The following NPTXR variants were observed in gnomAD, a reference collection of about 807,000 sequenced individuals.
The protein encoded by NPTXR is neuronal pentraxin receptor.
In NPTXR, 12 loss-of-function variants were observed where a neutral mutation model predicts 32.2. The observed-to-expected ratio is 0.37, with a 90% CI of 0.24 to 0.60. NPTXR has a LOEUF of 0.60. Among genes scored for constraint, NPTXR ranks in the 20% least tolerant of loss-of-function variants. The pLI is 0.66. For missense variants in NPTXR, 612 were observed against 682.9 expected (o/e 0.90, Z 1.16); for synonymous variants, 323 against 315.8 (o/e 1.02, Z -0.24).
chr22:38,826,725 T>C lies in NPTXR; in HGVS notation c.873A>G (p.Pro291=). 1.9e-6 allele frequency: 3 copies of C among 1,614,000 alleles called. No homozygotes were observed. Among genetic ancestry groups the C allele is most frequent in the Non-Finnish European group, 2.5e-6 (3 of 1,179,934 alleles). Residue 291 remains proline, a synonymous_variant, in exon 3 of 5, where the codon CCA becomes CCG. Transcript: ENST00000333039. ...TGGGGATGCTGATCTTGAAGGCATCTGGAGGACTGTAGGCTGAGGACCCTG... is the reference window on the plus strand; with the variant it reads ...TGGGGATGCTGATCTTGAAGGCATCCGGAGGACTGTAGGCTGAGGACCCTG...
At chr22:38,840,730 G>A (rs1188928000) in intron 1 of NPTXR, among the ~76,000 whole-genome samples, 4 of 152,120 alleles carry the variant, frequency 2.6e-5, no homozygotes, top group Non-Finnish European at 4.4e-5. Context: ...TTTGGTTTGG[G>A]GCCCCTCCGT....
chr22:38,827,516 G>A (rs772173545), intron 2 of NPTXR, among the ~76,000 whole-genome samples: 2 of 152,164 alleles, frequency 1.3e-5, no homozygotes, highest in African/African-American at 2.4e-5. Context: ...TAACAGGCAT[G>A]AGCCACCATG....
chr22:38,843,232 C>G lies in NPTXR; in HGVS notation c.624+3G>C. ...GGCTCCCCCGACGGCGCGCGGCGCT[C>G]ACCTCCAGGCGGTCGATGCGGTCCC... On this transcript the variant is annotated splice_donor_region_variant and intron_variant, in intron 1 of 4. Transcript: ENST00000333039. This position sits in a 1 kb window ranked among gnomAD's most constrained non-coding sequence, Gnocchi z 5.3. The G allele has an allele frequency of 7.5e-7, 1 of 1,334,638 alleles. No homozygotes were observed. 82.7% of individuals were successfully genotyped at this position (1,334,638 alleles called of 1,614,324 possible).
In NPTXR at chr22:38,843,093, C is replaced by T. The variant is rs949933559; in HGVS notation, c.624+142G>A. 34 of 870,112 alleles carry T rather than the reference C, an allele frequency of 3.9e-5. No homozygotes were observed. Among genetic ancestry groups the T allele is most frequent in the Non-Finnish European group, 4.8e-5 (32 of 660,562 alleles). 53.9% of individuals were successfully genotyped at this position (870,112 alleles called of 1,614,324 possible). A position where few individuals can be genotyped will look rare whatever the true frequency, so the allele number is the denominator to read the frequency against. On this transcript the variant is annotated intron_variant, in intron 1 of 4. Coordinates refer to ENST00000333039, the MANE Select transcript of NPTXR (RefSeq NM_014293.4). The surrounding 1 kb of genome is among the most constrained non-coding windows in gnomAD (Gnocchi z 5.3). ...GCCTGCCCGCGTTCCCTATCGAAATCCCCCCGCCTCGCCAGCGAGGAAGGC... is the reference window on the plus strand; with the variant it reads ...GCCTGCCCGCGTTCCCTATCGAAATTCCCCCGCCTCGCCAGCGAGGAAGGC...
At chr22:38,836,091 G>T (rs1200272794) in intron 1 of NPTXR, among the ~76,000 whole-genome samples, 4 of 151,968 alleles carry the variant, frequency 2.6e-5, no homozygotes, top group Admixed American at 6.6e-5. Context: ...TAAAACCACA[G>T]TGAGTGCACT....
chr22:38,837,119 A>T (rs1191012187), intron 1 of NPTXR, among the ~76,000 whole-genome samples: 1 of 152,212 alleles, frequency 6.6e-6, no homozygotes, highest in African/African-American at 2.4e-5. Flanking sequence ...CAGCCCCCAC[A>T]GGCTTTCAAA....
At chr22:38,827,324 C>T (rs1481678205) in intron 2 of NPTXR, among the ~76,000 whole-genome samples, 3 of 150,726 alleles carry the variant, frequency 2.0e-5, no homozygotes, top group Non-Finnish European at 3.0e-5. Context: ...ACCTTCACCT[C>T]CCAGGCTCAA....
intron 3 of NPTXR, 34 bp downstream of exon 3, chr22:38,826,466 C>T (rs751488203): frequency 1.9e-6 from 3 of 1,574,768 alleles, no homozygotes; most frequent in Non-Finnish European, 2.6e-6. Flanking sequence ...GGGTGGCCCT[C>T]CCCCAGCCAG....
chr22:38,826,675 C>T lies in NPTXR; in HGVS notation c.923G>A (p.Arg308His), dbSNP rs745582200. The change falls in exon 3 of 5, where the codon CGC becomes CAC. Residue 308 changes from arginine (R) to histidine (H), a missense_variant. Physicochemically the swap from Arg to His is conservative, Grantham distance 29 (BLOSUM62 0). Coordinates refer to ENST00000333039, the MANE Select transcript of NPTXR (RefSeq NM_014293.4). ...GAGCTCGGGCAGAGCCTTCCGCACG[C>T]GGGCGTACATGTAGTTGTTACGGAT... 105 of 1,613,978 alleles carry T rather than the reference C, an allele frequency of 6.5e-5. No homozygotes were observed. Among genetic ancestry groups the T allele is most frequent in the Non-Finnish European group, 8.2e-5 (97 of 1,180,000 alleles).
intron 3 of NPTXR, 120 bp from the exon 4 acceptor site, chr22:38,823,382 C>T: frequency 1.2e-6 from 1 of 803,766 alleles, no homozygotes; most frequent in Admixed American, 2.6e-5. Flanking sequence ...GACCCCAGGC[C>T]TGACCCTCTC....
chr22:38,824,692 C>G lies in NPTXR; in HGVS notation c.1099-1430G>C, dbSNP rs192164176. Among the ~76,000 whole-genome samples the G allele has an allele frequency of 1.4e-3, 213 of 152,338 alleles. 1 individual carries two copies. Among genetic ancestry groups the G allele is most frequent in the Admixed American group, 2.5e-3 (39 of 15,298 alleles). On this transcript the variant is annotated intron_variant, in intron 3 of 4. Coordinates refer to ENST00000333039, the MANE Select transcript of NPTXR (RefSeq NM_014293.4). ...AGAACAGGGCTGCCCAATGCCCTGT[C>G]CAGGGTGCTGAATTCCTTCTAATGA... is the stretch of plus-strand genomic sequence containing the variant.
At chr22:38,832,149 T>C (rs113756590) in intron 1 of NPTXR, among the ~76,000 whole-genome samples, 1,792 of 152,320 alleles carry the variant, frequency 0.012, 29 homozygotes, top group African/African-American at 0.041. Flanking sequence ...TCAGAGCCAC[T>C]GGCTCTGCAG....
At position 38,843,940 on chromosome 22, in the gene NPTXR, C is replaced by A; in HGVS notation, c.-82G>T. ...GGGCGCGGAGCCCGGGCGCGCTGGG[C>A]CGAGCGGGGCAGGCGCGGGAGCCGG... On this transcript the variant is annotated 5_prime_UTR_variant, in exon 1 of 5. Transcript: ENST00000333039. This position sits in a 1 kb window ranked among gnomAD's most constrained non-coding sequence, Gnocchi z 5.3. The A allele has an allele frequency of 1.2e-6, 1 of 817,690 alleles. No individual in the cohort carries two copies. The highest frequency in any genetic ancestry group is 1.5e-6 in the Non-Finnish European group (1 of 679,244). The allele number at this position is 817,690 out of a possible 1,614,324, so 50.7% of individuals were successfully genotyped here. A position where few individuals can be genotyped will look rare whatever the true frequency, so the allele number is the denominator to read the frequency against.
intron 1 of NPTXR, among the ~76,000 whole-genome samples, chr22:38,839,645 A>C (rs1183778605): frequency 6.7e-6 from 1 of 148,556 alleles, no homozygotes; most frequent in Non-Finnish European, 1.5e-5. Context: ...ACTTTGTCTC[A>C]AAAAGAAAAA....
rs1176183318 is a variant in NPTXR, at chr22:38,843,491, A to C, written c.368T>G (p.Leu123Arg). The stretch of plus-strand genomic sequence containing the variant: ...CTCGGCCGTGCTCTGCAGCAGCAGC[A>C]GCTCTTCGCGCTCGCCCGGCGCAGC... Residue 123 changes from leucine to arginine, a missense_variant, in exon 1 of 5, where the codon CTG (leucine) becomes CGG (arginine). Leu to Arg is a moderately radical substitution (Grantham distance 102). Coordinates refer to ENST00000333039, the MANE Select transcript of NPTXR (RefSeq NM_014293.4). This position sits in a 1 kb window ranked among gnomAD's most constrained non-coding sequence, Gnocchi z 5.3. 19 of 1,297,730 alleles carry C rather than the reference A, an allele frequency of 1.5e-5. No homozygotes were observed. The highest frequency in any genetic ancestry group is 1.7e-5 in the Non-Finnish European group (17 of 1,025,480). 80.4% of individuals were successfully genotyped at this position (1,297,730 alleles called of 1,614,324 possible).
At chr22:38,823,003 A>G (rs1419809026) in intron 4 of NPTXR, 80 bp downstream of exon 4, 4 of 1,547,266 alleles carry the variant, frequency 2.6e-6, no homozygotes, top group Non-Finnish European at 3.5e-6. Flanking sequence ...TTCCTTGGGC[A>G]GGTCTCTGAT....
Position 38,826,765 on chromosome 22 carries a change from A to C in NPTXR, c.851-18T>G, listed in dbSNP as rs778524706. On this transcript the variant is annotated intron_variant, in intron 2 of 4. Transcript: ENST00000333039. ...TGAGGACCCTGAGGGTGGGCAAGGCAGACATGGTGGAGGTCGGTGGACACC... is the reference window on the plus strand; with the variant it reads ...TGAGGACCCTGAGGGTGGGCAAGGCCGACATGGTGGAGGTCGGTGGACACC... 3 of 1,606,152 alleles carry C rather than the reference A, an allele frequency of 1.9e-6. No individual in the cohort carries two copies. Among genetic ancestry groups the C allele is most frequent in the Admixed American group, 3.3e-5 (2 of 59,784 alleles).
rs1455113019 is a variant in NPTXR, at chr22:38,834,455, A to T, written c.625-5943T>A. 1.9e-5 allele frequency among the ~76,000 whole-genome samples: 1 copy of T among 52,122 alleles called. No homozygotes were observed. Among genetic ancestry groups the T allele is most frequent in the African/African-American group, 7.2e-5 (1 of 13,914 alleles). 34.2% of individuals were successfully genotyped at this position (52,122 alleles called of 152,430 possible). On this transcript the variant is annotated intron_variant, in intron 1 of 4. Coordinates refer to ENST00000333039, the MANE Select transcript of NPTXR (RefSeq NM_014293.4). The surrounding 1 kb of genome is among the most constrained non-coding windows in gnomAD (Gnocchi z 4.4). ...CTCCAAGAACATTCTTCCCGCCCCC[A>T]CCCCTCCTCTGCCCATTGCCTGCTC...
In NPTXR at chr22:38,828,193, C is replaced by T. The variant is rs188529276; in HGVS notation, c.850+94G>A. On this transcript the variant is annotated intron_variant, in intron 2 of 4. Coordinates refer to ENST00000333039, the MANE Select transcript of NPTXR (RefSeq NM_014293.4). ...GCCTCCTCCCCACCCTCCAGTCTGT[C>T]GATGTTAGCCTCCGGGGAGCATGGA... is the stretch of plus-strand genomic sequence containing the variant. 1.4e-3 allele frequency: 1,384 copies of T among 981,150 alleles called. 9 individuals are homozygous for T. The highest frequency in any genetic ancestry group is 1.0e-3 in the Admixed American group (55 of 53,952). 60.8% of individuals were successfully genotyped at this position (981,150 alleles called of 1,614,324 possible).
Sources: gnomAD v4.1 joint callset for allele counts (sites outside exome capture counted in the v4.1 genomes callset) on GRCh38, gnomAD v4.1.1 for gene constraint, Gnocchi (gnomAD v3.1) non-coding constraint, MANE v1.5 for transcripts, NCBI Gene and HGNC (gene_info 2026-07-23, HGNC 2026-07-21) for gene names.